The following DIP2B variants were observed in gnomAD, a reference collection of about 807,000 sequenced individuals.
DIP2B encodes the protein disco-interacting protein 2 homolog B.
Under a neutral mutation model 198.0 loss-of-function variants are expected in DIP2B, and 76 were observed. The observed-to-expected ratio is 0.38, with a 90% CI of 0.32 to 0.46. DIP2B has a LOEUF of 0.46. Ranked by LOEUF, DIP2B falls within the 20% of genes least tolerant of loss-of-function variation. The pLI, the probability that DIP2B is intolerant of heterozygous loss-of-function variation, is 0.99. For synonymous variants in DIP2B, 701 were observed against 739.1 expected (o/e 0.95, Z 0.84); for missense variants, 1,559 against 1,978.4 (o/e 0.79, Z 4.02).
intron 1 of DIP2B, among the ~76,000 whole-genome samples, chr12:50,561,815 G>A (rs1958521668): frequency 6.6e-6 from 1 of 152,112 alleles, no homozygotes; most frequent in African/African-American, 2.4e-5. Context: ...ACCCATGTTG[G>A]CCAGGGTGGT....
chr12:50,577,475 A>C (rs1958673109), intron 1 of DIP2B, among the ~76,000 whole-genome samples: 1 of 152,176 alleles, frequency 6.6e-6, no homozygotes, highest in Non-Finnish European at 1.5e-5. Flanking sequence ...TGGAGCTTGC[A>C]GTGAGCTGAA....
chr12:50,645,459 CT>C lies in DIP2B; in HGVS notation c.301+4623del, dbSNP rs11454537. On this transcript the variant is annotated intron_variant, in intron 3 of 37. Transcript: ENST00000301180. ...CAAATATGGAAGGATGTACAAAATC[CT>C]TTTTTTTTTTTTTTTGAGACAGGGT... Among the ~76,000 whole-genome samples the C allele has an allele frequency of 3.5e-3, 485 of 137,890 alleles. 1 individual carries two copies. Among genetic ancestry groups the C allele is most frequent in the African/African-American group, 6.0e-3 (224 of 37,370 alleles). The allele number at this position is 137,890 out of a possible 152,430, so 90.5% of individuals were successfully genotyped here. A position where few individuals can be genotyped will look rare whatever the true frequency, so the allele number is the denominator to read the frequency against.
chr12:50,535,671 G>A (rs559005934), intron 1 of DIP2B, among the ~76,000 whole-genome samples: 50 of 151,772 alleles, frequency 3.3e-4, no homozygotes, highest in Non-Finnish European at 5.7e-4. Flanking sequence ...ACGTCTGGCC[G>A]AGCCCAGGAA....
At position 50,732,491 on chromosome 12, in the gene DIP2B, C is replaced by T; in HGVS notation, c.3936C>T (p.Val1312=). The T allele has an allele frequency of 6.2e-7, 1 of 1,614,212 alleles. No homozygotes were observed. Among genetic ancestry groups the T allele is most frequent in the Non-Finnish European group, 8.5e-7 (1 of 1,180,040 alleles). The change falls in exon 32 of 38, where the codon GTC becomes GTT. Residue 1312 remains valine, a synonymous_variant. Coordinates refer to ENST00000301180, the MANE Select transcript of DIP2B (RefSeq NM_173602.3). ...ACATCGGGCTGTCCCCGCGGGCTGT[C>T]AGCACCACTTTTGGATCAAGAGTCA... ...FKDIGLSPRA[V]STTFGSRVNV... is the part of the protein sequence containing the mutation.
intron 26 of DIP2B, among the ~76,000 whole-genome samples, chr12:50,722,256 TATTTTATTTTA>T (rs1184615096): frequency 1.7e-5 from 1 of 57,888 alleles, no homozygotes; most frequent in Non-Finnish European, 3.8e-5. Context: ...TTTGTTTGTT[TATTTTATTTTA>T]TTTTATTTTA....
At chr12:50,722,019 C>T (rs1319164153) in intron 26 of DIP2B, among the ~76,000 whole-genome samples, 1 of 132,594 alleles carries the variant, frequency 7.5e-6, no homozygotes, top group Non-Finnish European at 1.7e-5. Context: ...TAGTCTTCTT[C>T]TGTTGTTGCT....
intron 1 of DIP2B, among the ~76,000 whole-genome samples, chr12:50,556,033 G>A (rs927932676): frequency 1.3e-5 from 2 of 151,884 alleles, no homozygotes; most frequent in African/African-American, 4.8e-5. Context: ...CTATTGTCCC[G>A]TGTCACATCT....
intron 1 of DIP2B, among the ~76,000 whole-genome samples, chr12:50,606,994 A>G (rs891270488): frequency 1.3e-5 from 2 of 151,784 alleles, no homozygotes; most frequent in Non-Finnish European, 2.9e-5. Flanking sequence ...TGTAGAGATG[A>G]GGTCTCACTA....
chr12:50,576,341 A>G (rs1182070569), intron 1 of DIP2B, among the ~76,000 whole-genome samples: 3 of 150,586 alleles, frequency 2.0e-5, no homozygotes, highest in Admixed American at 2.0e-4. Context: ...TGCTGGGATT[A>G]CAGATGTGAG....
At position 50,586,485 on chromosome 12, in the gene DIP2B, T is replaced by TA. The variant is rs764694290; in HGVS notation, c.101-39483dup. Among the ~76,000 whole-genome samples, 191 of 152,232 alleles carry TA rather than the reference T, an allele frequency of 1.3e-3. 1 individual carries two copies. Among genetic ancestry groups the TA allele is most frequent in the Non-Finnish European group, 2.2e-3 (150 of 68,016 alleles). On this transcript the variant is annotated intron_variant, in intron 1 of 37. Transcript: ENST00000301180. ...GTTCAGCACTTTTACTCTGATACTT[T>TA]AAAAAAAACTTGAAGAAGTGAGTTT...
At position 50,590,172 on chromosome 12, in the gene DIP2B, A is replaced by T. The variant is rs866596115; in HGVS notation, c.101-35804A>T. 2.8e-4 allele frequency among the ~76,000 whole-genome samples: 38 copies of T among 137,668 alleles called. No individual in the cohort carries two copies. In the South Asian group the frequency reaches 6.4e-3, roughly 23 times the overall value. 90.3% of individuals were successfully genotyped at this position (137,668 alleles called of 152,430 possible). Reference sequence around the variant, plus strand: ...CGTTTCTGGATAATTTTTTTTTTTTAATTTTATGTAGAGGTGGGATCCCAC... The same window carrying T: ...CGTTTCTGGATAATTTTTTTTTTTTTATTTTATGTAGAGGTGGGATCCCAC... On this transcript the variant is annotated intron_variant, in intron 1 of 37. Transcript: ENST00000301180.
chr12:50,652,535 CA>C (rs947328374), intron 3 of DIP2B, among the ~76,000 whole-genome samples: 1 of 150,668 alleles, frequency 6.6e-6, no homozygotes, highest in Non-Finnish European at 1.5e-5. Context: ...GACTCCATTT[CA>C]AAAAAAAGAA....
At chr12:50,582,987 G>C (rs1958738975) in intron 1 of DIP2B, among the ~76,000 whole-genome samples, 1 of 152,098 alleles carries the variant, frequency 6.6e-6, no homozygotes, top group Admixed American at 6.6e-5. Context: ...TTACAAAGAT[G>C]ATGTTACAAA....
chr12:50,613,338 G>C (rs1555187491), intron 1 of DIP2B, among the ~76,000 whole-genome samples: 1 of 152,188 alleles, frequency 6.6e-6, no homozygotes, highest in Non-Finnish European at 1.5e-5. Flanking sequence ...AATAGGCAGT[G>C]AATGAATGTA....
chr12:50,709,476 CA>C (rs1185311736), intron 22 of DIP2B, among the ~76,000 whole-genome samples: 93 of 142,412 alleles, frequency 6.5e-4, no homozygotes, highest in Admixed American at 9.1e-4. Context: ...ACTAAAAATA[CA>C]AAAAAAAAAA....
At chr12:50,540,045 G>A (rs1208746135) in intron 1 of DIP2B, among the ~76,000 whole-genome samples, 1 of 25,074 alleles carries the variant, frequency 4.0e-5, no homozygotes, top group South Asian at 1.3e-3. Context: ...TAGTTTAGTT[G>A]TTTCTGTGTT....
chr12:50,671,097 C>G, intron 4 of DIP2B, 89 bp from the exon 5 acceptor site: 1 of 1,293,888 alleles, frequency 7.7e-7, no homozygotes, highest in Non-Finnish European at 1.1e-6. Context: ...TTGCTGGTGT[C>G]GAAACTGAAT....
At chr12:50,678,969 C>A in intron 8 of DIP2B, 93 bp downstream of exon 8, 1 of 1,353,678 alleles carries the variant, frequency 7.4e-7, no homozygotes, top group Admixed American at 2.2e-5. Context: ...AGTTGCTGGC[C>A]ATTATGTTTC....
intron 1 of DIP2B, among the ~76,000 whole-genome samples, chr12:50,522,092 C>T (rs112627219): frequency 0.011 from 1,652 of 152,090 alleles, 34 homozygotes; most frequent in African/African-American, 0.038. Flanking sequence ...CCTCCGTGTC[C>T]GGGGTTCAAG....
Sources: allele counts gnomAD v4.1 joint callset (sites outside exome capture counted in the v4.1 genomes callset), GRCh38; gene constraint gnomAD v4.1.1; transcripts MANE v1.5; gene names NCBI Gene and HGNC (gene_info 2026-07-23, HGNC 2026-07-21).